The following MACROD2 variants were observed in gnomAD, a reference collection of about 807,000 sequenced individuals.
MACROD2 encodes the protein mono-ADP ribosylhydrolase 2, also known as ADP-ribose glycohydrolase MACROD2.
A neutral mutation model predicts 70.4 loss-of-function variants in MACROD2; 36 were observed. The ratio of observed to expected loss-of-function variants is 0.51; its 90% CI spans 0.39 to 0.68. The LOEUF (loss-of-function observed/expected upper bound fraction) is 0.68, where lower values mean the gene tolerates loss of function less well. Ranked by LOEUF, MACROD2 falls within the 30% of genes least tolerant of loss-of-function variation. The pLI, the probability that MACROD2 is intolerant of heterozygous loss-of-function variation, is 0.00. For missense variants in MACROD2, 496 were observed against 538.4 expected, an observed-to-expected ratio of 0.92 and a Z score of 0.78; for synonymous variants, 172 against 178.8, an observed-to-expected ratio of 0.96 and a Z score of 0.30.
intron 8 of MACROD2, among the ~76,000 whole-genome samples, chr20:15,672,194 G>A (rs951742350): frequency 2.0e-5 from 3 of 152,142 alleles, no homozygotes; most frequent in African/African-American, 7.2e-5. Flanking sequence ...TGAAATAATA[G>A]ACATTTTAAT....
At chr20:14,121,304 A>T (rs986942197) in intron 3 of MACROD2, among the ~76,000 whole-genome samples, 2 of 152,202 alleles carry the variant, frequency 1.3e-5, no homozygotes, top group African/African-American at 4.8e-5. Context: ...AGAGTCCTAG[A>T]GAGAGGAAAT....
rs2074862704 is a variant in MACROD2 at position 14,987,800 on chromosome 20, G to A, written c.419-242140G>A. Among the ~76,000 whole-genome samples the A allele has an allele frequency of 2.0e-5, 3 of 152,008 alleles. 1 individual carries two copies. The highest frequency in any genetic ancestry group is 4.4e-5 in the Non-Finnish European group (3 of 68,004). On this transcript the variant is annotated intron_variant, in intron 5 of 17. Coordinates refer to ENST00000684519, the MANE Select transcript of MACROD2 (RefSeq NM_001351661.2). ...TCTCCTTGGGATGCCATGTTATAGA[G>A]GTCTTCAGAACGCTTTCATTAAGAT... is the stretch of plus-strand genomic sequence containing the variant.
chr20:14,931,081 T>C (rs1037726159), intron 5 of MACROD2, among the ~76,000 whole-genome samples: 4 of 152,044 alleles, frequency 2.6e-5, no homozygotes, highest in African/African-American at 7.2e-5. Flanking sequence ...AATTGATAGA[T>C]GAGGTCCTTA....
chr20:15,131,438 C>T (rs938608379), intron 5 of MACROD2, among the ~76,000 whole-genome samples: 5 of 152,020 alleles, frequency 3.3e-5, no homozygotes, highest in Non-Finnish European at 7.4e-5. Context: ...AAGTCACTTA[C>T]ACCACAAGCT....
intron 8 of MACROD2, among the ~76,000 whole-genome samples, chr20:15,789,843 T>C (rs1165059591): frequency 6.6e-6 from 1 of 152,056 alleles, no homozygotes; most frequent in African/African-American, 2.4e-5. Flanking sequence ...CAAAAATGCA[T>C]GTTAACAATT....
At chr20:14,394,321 C>G (rs1170354048) in intron 3 of MACROD2, among the ~76,000 whole-genome samples, 1 of 152,062 alleles carries the variant, frequency 6.6e-6, no homozygotes, top group Non-Finnish European at 1.5e-5. Flanking sequence ...GTGTATAGGT[C>G]TTATATCTTT....
At chr20:15,803,256 T>C (rs77508271) in intron 8 of MACROD2, among the ~76,000 whole-genome samples, 4,647 of 152,122 alleles carry the variant, frequency 0.031, 283 homozygotes, top group African/African-American at 0.11. Flanking sequence ...CAAAACTCCT[T>C]AATAAAACAT....
At chr20:14,337,194 A>C (rs934105948) in intron 3 of MACROD2, among the ~76,000 whole-genome samples, 5 of 152,164 alleles carry the variant, frequency 3.3e-5, no homozygotes, top group Non-Finnish European at 5.9e-5. Flanking sequence ...ATCTTTTATA[A>C]ATGAAAGAAG....
chr20:14,183,796 G>T (rs1283168613), intron 3 of MACROD2, among the ~76,000 whole-genome samples: 1 of 152,100 alleles, frequency 6.6e-6, no homozygotes, highest in East Asian at 1.9e-4. Context: ...CAGTGATGTG[G>T]AGCTTTTTTC....
At chr20:14,968,229 C>T (rs2074656516) in intron 5 of MACROD2, among the ~76,000 whole-genome samples, 1 of 152,122 alleles carries the variant, frequency 6.6e-6, no homozygotes, top group Non-Finnish European at 1.5e-5. Context: ...CTCTTTTTAA[C>T]ACCTTGACCC....
chr20:15,983,148 C>T (rs1215807613), intron 13 of MACROD2, among the ~76,000 whole-genome samples: 1 of 152,336 alleles, frequency 6.6e-6, no homozygotes, highest in Admixed American at 6.5e-5. Context: ...TTTTTATTGA[C>T]TGTCATCTAC....
intron 6 of MACROD2, among the ~76,000 whole-genome samples, chr20:15,402,943 GT>G (rs557691858): frequency 1.3e-5 from 2 of 151,566 alleles, no homozygotes; most frequent in Admixed American, 6.6e-5. Flanking sequence ...CTTAACAGGT[GT>G]TTTTTTTGTT....
At chr20:15,027,775 G>A (rs527280302) in intron 5 of MACROD2, among the ~76,000 whole-genome samples, 1 of 151,868 alleles carries the variant, frequency 6.6e-6, no homozygotes, top group African/African-American at 2.4e-5. Flanking sequence ...AATATGTGTG[G>A]GTTTCAGGAT....
intron 10 of MACROD2, among the ~76,000 whole-genome samples, chr20:15,900,395 C>T (rs775127252): frequency 6.6e-6 from 1 of 152,112 alleles, no homozygotes; most frequent in African/African-American, 2.4e-5. Context: ...TTGCTTTAAT[C>T]ATATTTTTCT....
At chr20:16,023,331 C>T (rs917323752) in intron 15 of MACROD2, among the ~76,000 whole-genome samples, 18 of 151,750 alleles carry the variant, frequency 1.2e-4, no homozygotes, top group Non-Finnish European at 1.0e-4. Context: ...AAAAATTAGC[C>T]GGGCATGGTG....
chr20:15,824,316 T>C (rs918874164), intron 8 of MACROD2, among the ~76,000 whole-genome samples: 2 of 152,134 alleles, frequency 1.3e-5, no homozygotes, highest in Admixed American at 6.6e-5. Flanking sequence ...AATTGCAATA[T>C]ATTTGTGAGA....
intron 5 of MACROD2, among the ~76,000 whole-genome samples, chr20:14,942,085 C>A (rs561777454): frequency 6.6e-6 from 1 of 151,964 alleles, no homozygotes; most frequent in African/African-American, 2.4e-5. Flanking sequence ...AGGTGCATGC[C>A]CCTGCACCCA....
chr20:15,151,053 G>T (rs1481748174), intron 5 of MACROD2, among the ~76,000 whole-genome samples: 1 of 152,036 alleles, frequency 6.6e-6, no homozygotes, highest in East Asian at 1.9e-4. Context: ...GTCCACGATG[G>T]TCTACAGGGC....
chr20:14,463,585 G>A (rs1445129147), intron 3 of MACROD2, among the ~76,000 whole-genome samples: 2 of 152,032 alleles, frequency 1.3e-5, no homozygotes, highest in East Asian at 1.9e-4. Flanking sequence ...GAATAGGATG[G>A]TGAGAGAGGG....
Sources: gnomAD v4.1 joint callset for allele counts (sites outside exome capture counted in the v4.1 genomes callset) on GRCh38, gnomAD v4.1.1 for gene constraint, MANE v1.5 for transcripts, NCBI Gene and HGNC (gene_info 2026-07-23, HGNC 2026-07-21) for gene names.